EEFSEC: variants seen among roughly 807,000 people sequenced by gnomAD.
EEFSEC encodes selenocysteine-specific elongation factor.
EEFSEC carries 43 observed loss-of-function variants against 42.1 expected under a neutral mutation model. The ratio of observed to expected loss-of-function variants is 1.02; its 90% CI spans 0.80 to 1.32. The LOEUF (loss-of-function observed/expected upper bound fraction) is 1.32, where lower values mean the gene tolerates loss of function less well. Ranked by LOEUF, EEFSEC falls within the 40% of genes most tolerant of loss-of-function variation. EEFSEC has a pLI of 0.00. For synonymous variants in EEFSEC, 354 were observed against 339.1 expected, an observed-to-expected ratio of 1.04 and a Z score of -0.48; for missense variants, 745 against 803.6, an observed-to-expected ratio of 0.93 and a Z score of 0.88.
intron 5 of EEFSEC, among the ~76,000 whole-genome samples, chr3:128,342,775 C>T (rs1373560876): frequency 6.6e-6 from 1 of 152,200 alleles, no homozygotes; most frequent in Non-Finnish European, 1.5e-5. Flanking sequence ...GGGCCTGCCA[C>T]TAGGGTGGAC....
rs79346701 is a variant in EEFSEC, at chr3:128,224,589, C to G, written c.317-22247C>G. Among the ~76,000 whole-genome samples, 702 of 152,268 alleles carry G rather than the reference C, an allele frequency of 4.6e-3. 4 individuals carry two copies. Among genetic ancestry groups the G allele is most frequent in the African/African-American group, 0.015 (616 of 41,528 alleles). ...GACTGAACAGTTACTAAGATTTCACCGTGCTTGTTTCATCTCTCTCTCCCC... is the reference window on the plus strand; with the variant it reads ...GACTGAACAGTTACTAAGATTTCACGGTGCTTGTTTCATCTCTCTCTCCCC... On this transcript the variant is annotated intron_variant, in intron 1 of 6. Transcript: ENST00000254730.
chr3:128,165,981 A>G (rs1398610359), intron 1 of EEFSEC, among the ~76,000 whole-genome samples: 2 of 152,164 alleles, frequency 1.3e-5, no homozygotes, highest in Non-Finnish European at 2.9e-5. Flanking sequence ...GAGTTTCAGG[A>G]TCTTTCGCCA....
chr3:128,220,342 C>G (rs1169385275), intron 1 of EEFSEC, among the ~76,000 whole-genome samples: 1 of 152,158 alleles, frequency 6.6e-6, no homozygotes, highest in Non-Finnish European at 1.5e-5. Context: ...CTTGAGTGCT[C>G]CGTCATGGTG....
chr3:128,174,125 C>T (rs1576517998), intron 1 of EEFSEC, among the ~76,000 whole-genome samples: 1 of 152,214 alleles, frequency 6.6e-6, no homozygotes. Context: ...GCCCTCCCCT[C>T]TGTTTCCACA....
At chr3:128,162,247 A>G (rs2065196519) in intron 1 of EEFSEC, among the ~76,000 whole-genome samples, 1 of 152,130 alleles carries the variant, frequency 6.6e-6, no homozygotes, top group African/African-American at 2.4e-5. Context: ...ACACACCATA[A>G]CTAGAAGATT....
chr3:128,173,340 G>A (rs897121227), intron 1 of EEFSEC, among the ~76,000 whole-genome samples: 24 of 152,196 alleles, frequency 1.6e-4, no homozygotes, highest in Admixed American at 1.6e-3. Context: ...GGCAGGGCTG[G>A]CAAGCGGGGA....
intron 4 of EEFSEC, among the ~76,000 whole-genome samples, chr3:128,291,489 C>A (rs1301176857): frequency 6.6e-6 from 1 of 152,170 alleles, no homozygotes; most frequent in East Asian, 1.9e-4. Flanking sequence ...AGCAAGAAGG[C>A]CCTTGCAAGA....
intron 4 of EEFSEC, among the ~76,000 whole-genome samples, chr3:128,311,605 C>G (rs1320661709): frequency 1.3e-5 from 2 of 152,226 alleles, no homozygotes; most frequent in Non-Finnish European, 2.9e-5. Flanking sequence ...AGTTTGGTTC[C>G]CTGTCCAGCA....
intron 1 of EEFSEC, among the ~76,000 whole-genome samples, chr3:128,160,948 G>A (rs997871804): frequency 6.6e-6 from 1 of 152,170 alleles, no homozygotes; most frequent in South Asian, 2.1e-4. Context: ...TTTAGTGCTT[G>A]TCTGTATGCT....
chr3:128,155,961 C>T (rs536141654), intron 1 of EEFSEC, among the ~76,000 whole-genome samples: 29 of 152,294 alleles, frequency 1.9e-4, no homozygotes, highest in African/African-American at 5.8e-4. Flanking sequence ...TCCTCCCTGC[C>T]CCCTTATAAC....
At chr3:128,170,092 C>G (rs1262754018) in intron 1 of EEFSEC, among the ~76,000 whole-genome samples, 1 of 152,154 alleles carries the variant, frequency 6.6e-6, no homozygotes, top group Admixed American at 6.5e-5. Flanking sequence ...TACCTCAGAA[C>G]CAGAACTGGA....
chr3:128,220,558 C>T (rs974191246), intron 1 of EEFSEC, among the ~76,000 whole-genome samples: 3 of 152,160 alleles, frequency 2.0e-5, no homozygotes, highest in African/African-American at 7.2e-5. Context: ...GGATGCTACC[C>T]GCCATGCAGT....
chr3:128,390,541 T>G (rs2067896275), intron 6 of EEFSEC, among the ~76,000 whole-genome samples: 1 of 152,248 alleles, frequency 6.6e-6, no homozygotes, highest in Admixed American at 6.5e-5. Context: ...CTTCTGTGTC[T>G]GAAAGAGAGA....
In EEFSEC at chr3:128,253,376, A is replaced by G. The variant is rs192610169; in HGVS notation, c.524+6333A>G. 1.1e-3 allele frequency among the ~76,000 whole-genome samples: 163 copies of G among 152,020 alleles called. 2 individuals are homozygous for G. Among genetic ancestry groups the G allele is most frequent in the African/African-American group, 3.8e-3 (156 of 41,450 alleles). On this transcript the variant is annotated intron_variant, in intron 2 of 6. Transcript: ENST00000254730. ...TTTCTCCTACCCATCTCTTTCTCCTATGGGAGAGGCCTGGACTCTGGACTC... is the reference window on the plus strand; with the variant it reads ...TTTCTCCTACCCATCTCTTTCTCCTGTGGGAGAGGCCTGGACTCTGGACTC...
rs905728247 is a variant in EEFSEC at position 128,269,567 on chromosome 3, C to A, written c.786+4786C>A. Among the ~76,000 whole-genome samples, 14 of 152,232 alleles carry A rather than the reference C, an allele frequency of 9.2e-5. 1 individual carries two copies. On this transcript the variant is annotated intron_variant, in intron 4 of 6. Coordinates refer to ENST00000254730, the MANE Select transcript of EEFSEC (RefSeq NM_021937.5). ...ACTTGGACACATCTGACCGCTTGAA[C>A]TCCCTTGGAGGCAGGGCACAGCCAT...
Position 128,317,800 on chromosome 3 carries a change from C to T in EEFSEC, c.787-23433C>T, listed in dbSNP as rs79360626. 0.016 allele frequency among the ~76,000 whole-genome samples: 2,405 copies of T among 152,360 alleles called. 46 individuals are homozygous for T. Among genetic ancestry groups the T allele is most frequent in the African/African-American group, 0.054 (2,236 of 41,578 alleles). On this transcript the variant is annotated intron_variant, in intron 4 of 6. Transcript: ENST00000254730. The surrounding 1 kb of genome is among the most constrained non-coding windows in gnomAD (Gnocchi z 4.1). Reference sequence around the variant, plus strand: ...CCTCAGGGCCTTTGCCCCCTTCAGCCTTCTGCTCCAGCTGCTCCGTCCATC... The same window carrying T: ...CCTCAGGGCCTTTGCCCCCTTCAGCTTTCTGCTCCAGCTGCTCCGTCCATC...
chr3:128,274,314 G>T (rs561150591), intron 4 of EEFSEC, among the ~76,000 whole-genome samples: 2 of 152,294 alleles, frequency 1.3e-5, no homozygotes, highest in South Asian at 4.1e-4. Flanking sequence ...CCTCCGAGTC[G>T]CAGCAAAGAG....
chr3:128,214,307 C>T (rs1424903888), intron 1 of EEFSEC, among the ~76,000 whole-genome samples: 2 of 152,170 alleles, frequency 1.3e-5, no homozygotes, highest in African/African-American at 4.8e-5. Flanking sequence ...GAGGGCTGTG[C>T]TGTGTTCAGT....
chr3:128,245,692 C>A (rs993241978), intron 1 of EEFSEC, among the ~76,000 whole-genome samples: 2 of 152,098 alleles, frequency 1.3e-5, no homozygotes, highest in African/African-American at 2.4e-5. Flanking sequence ...CTAGTGTCTT[C>A]GATACTAGTT....
Sources: allele counts gnomAD v4.1 joint callset (sites outside exome capture counted in the v4.1 genomes callset), GRCh38; gene constraint gnomAD v4.1.1; non-coding constraint Gnocchi (gnomAD v3.1); transcripts MANE v1.5; gene names NCBI Gene and HGNC (gene_info 2026-07-23, HGNC 2026-07-21).